The following SND1 variants were observed in gnomAD, a reference collection of about 807,000 sequenced individuals.
SND1 encodes the protein staphylococcal nuclease domain-containing protein 1.
In SND1, 38 loss-of-function variants were observed where a neutral mutation model predicts 121.7. The ratio of observed to expected loss-of-function variants is 0.31; its 90% confidence interval spans 0.24 to 0.41. The LOEUF is 0.41. SND1 is among the 10% of genes least tolerant of loss of function. SND1 has a pLI of 1.00. For missense variants in SND1, 868 were observed against 1,184.6 expected, an observed-to-expected ratio of 0.73 and a Z score of 3.92; for synonymous variants, 401 against 447.4, an observed-to-expected ratio of 0.90 and a Z score of 1.31.
intron 10 of SND1, among the ~76,000 whole-genome samples, chr7:127,740,094 C>T (rs1445333808): frequency 6.6e-6 from 1 of 152,164 alleles, no homozygotes; most frequent in African/African-American, 2.4e-5. Flanking sequence ...ATTAAATTCT[C>T]GCTGCCTGCA....
intron 16 of SND1, among the ~76,000 whole-genome samples, chr7:128,003,645 G>C (rs1802889847): frequency 1.3e-5 from 2 of 152,130 alleles, no homozygotes; most frequent in Admixed American, 1.3e-4. Context: ...ACCGACCCAG[G>C]GTTTTCATAG....
intron 1 of SND1, among the ~76,000 whole-genome samples, chr7:127,662,239 C>G (rs993943449): frequency 1.3e-5 from 2 of 152,206 alleles, no homozygotes; most frequent in Admixed American, 6.5e-5. Flanking sequence ...GATACACACC[C>G]TCTCCTCCTT....
chr7:127,976,921 A>G (rs943056884), intron 15 of SND1, among the ~76,000 whole-genome samples: 2 of 152,142 alleles, frequency 1.3e-5, no homozygotes, highest in African/African-American at 2.4e-5. Context: ...CCTCCCCTAC[A>G]TGGTGTCTTG....
rs545942765 is a variant in SND1, at chr7:127,913,548, TC to T, written c.1527+8732del. On this transcript the variant is annotated intron_variant, in intron 14 of 23. Transcript: ENST00000354725. ...GTCCATGCTCTTCGGTTGTTCTCTT[TC>T]CCATTCTCTGGGTGTATGTAGATAA... Among the ~76,000 whole-genome samples, 4 of 152,330 alleles carry T rather than the reference TC, an allele frequency of 2.6e-5. No individual in the cohort carries two copies. In the South Asian group the frequency reaches 8.3e-4, roughly 32 times the overall value.
At chr7:127,936,761 G>A (rs78760348) in intron 15 of SND1, among the ~76,000 whole-genome samples, 2,469 of 152,170 alleles carry the variant, frequency 0.016, 90 homozygotes, top group African/African-American at 0.057. Flanking sequence ...TGCCCAGGCT[G>A]GTCTTAGGGT....
intron 10 of SND1, among the ~76,000 whole-genome samples, chr7:127,757,982 A>G (rs1234913033): frequency 1.3e-5 from 2 of 152,226 alleles, no homozygotes; most frequent in Non-Finnish European, 2.9e-5. Context: ...CCATGCTGGA[A>G]TATAAGTATC....
intron 15 of SND1, among the ~76,000 whole-genome samples, chr7:127,975,722 A>C (rs532837314): frequency 1.3e-5 from 2 of 152,242 alleles, no homozygotes; most frequent in Admixed American, 6.5e-5. Flanking sequence ...GAAGGGTGTG[A>C]GGCTGGCAGA....
intron 13 of SND1, among the ~76,000 whole-genome samples, chr7:127,902,754 TC>T (rs1800259197): frequency 6.6e-6 from 1 of 152,160 alleles, no homozygotes; most frequent in Non-Finnish European, 1.5e-5. Context: ...TCTTGCTCTT[TC>T]GCCCAGGTTA....
intron 13 of SND1, among the ~76,000 whole-genome samples, chr7:127,896,191 G>A (rs535479418): frequency 1.3e-5 from 2 of 151,910 alleles, no homozygotes; most frequent in Admixed American, 6.6e-5. Context: ...GCCAAAATAG[G>A]TTCAGCTATG....
intron 10 of SND1, among the ~76,000 whole-genome samples, chr7:127,795,032 A>T (rs937377468): frequency 1.3e-5 from 2 of 152,178 alleles, no homozygotes; most frequent in Non-Finnish European, 2.9e-5. Flanking sequence ...TACTGCTTTT[A>T]AACTCTGGCT....
At chr7:127,727,453 C>T (rs1219721142) in intron 10 of SND1, among the ~76,000 whole-genome samples, 1 of 152,192 alleles carries the variant, frequency 6.6e-6, no homozygotes, top group Non-Finnish European at 1.5e-5. Context: ...TGACTGGTCC[C>T]TCTGGACCCT....
intron 9 of SND1, among the ~76,000 whole-genome samples, chr7:127,720,244 C>T (rs1291935755): frequency 6.6e-6 from 1 of 152,168 alleles, no homozygotes; most frequent in Admixed American, 6.6e-5. Context: ...CCAGTCCGCC[C>T]TTGCTGTGTG....
intron 15 of SND1, among the ~76,000 whole-genome samples, chr7:127,959,110 G>C (rs1801668873): frequency 1.3e-5 from 2 of 152,160 alleles, no homozygotes; most frequent in South Asian, 4.1e-4. Context: ...AATAGCAGCA[G>C]CCCACGAGTT....
At chr7:127,827,902 G>A (rs1798672031) in intron 11 of SND1, among the ~76,000 whole-genome samples, 1 of 151,678 alleles carries the variant, frequency 6.6e-6, no homozygotes, top group South Asian at 2.1e-4. Context: ...AACCTGAAAT[G>A]TAGTTGTTCC....
At chr7:128,077,528 A>G (rs1024673817) in intron 17 of SND1, among the ~76,000 whole-genome samples, 2 of 152,226 alleles carry the variant, frequency 1.3e-5, no homozygotes, top group African/African-American at 4.8e-5. Context: ...AGGGGCCTCC[A>G]TCCACCCTTC....
intron 16 of SND1, among the ~76,000 whole-genome samples, chr7:128,038,780 G>A (rs935732548): frequency 6.6e-6 from 1 of 152,038 alleles, no homozygotes; most frequent in Non-Finnish European, 1.5e-5. Flanking sequence ...TCTTGTGTGA[G>A]TTAATATCTT....
chr7:127,887,862 T>C (rs1344371837), intron 12 of SND1, 40 bp from the exon 13 acceptor site: 1 of 1,341,452 alleles, frequency 7.5e-7, no homozygotes, highest in Admixed American at 1.7e-5. Context: ...GAGCCCCATA[T>C]GCACTTCTAG....
intron 1 of SND1, among the ~76,000 whole-genome samples, chr7:127,675,347 A>G (rs928684805): frequency 3.3e-5 from 5 of 152,336 alleles, no homozygotes; most frequent in East Asian, 3.9e-4. Context: ...TGTTAGACCT[A>G]AATTCTCAGT....
intron 10 of SND1, among the ~76,000 whole-genome samples, chr7:127,750,222 A>G (rs942531961): frequency 6.6e-6 from 1 of 152,232 alleles, no homozygotes; most frequent in African/African-American, 2.4e-5. Flanking sequence ...GTAACGGGTT[A>G]CACAGACTGC....
Sources: allele counts gnomAD v4.1 joint callset (sites outside exome capture counted in the v4.1 genomes callset), GRCh38; gene constraint gnomAD v4.1.1; transcripts MANE v1.5; gene names NCBI Gene and HGNC (gene_info 2026-07-23, HGNC 2026-07-21).